The following FRMD4B variants were observed in gnomAD, a reference collection of about 807,000 sequenced individuals.
FRMD4B encodes FERM domain containing 4B, also known as FERM domain-containing protein 4B.
A neutral mutation model predicts 141.5 loss-of-function variants in FRMD4B; 74 were observed. That is an observed-to-expected ratio of 0.52 (90% CI 0.43 to 0.63). The LOEUF is 0.63. FRMD4B is among the 30% of genes least tolerant of loss of function. The probability of loss-of-function intolerance (pLI) is 0.00; values close to 1 mark genes in which losing one functional copy is unlikely to be tolerated. For synonymous variants in FRMD4B, 506 were observed against 467.9 expected, an observed-to-expected ratio of 1.08 and a Z score of -1.05; for missense variants, 1,366 against 1,253.4, an observed-to-expected ratio of 1.09 and a Z score of -1.36.
chr3:69,382,721 C>T (rs947714852), intron 1 of FRMD4B, among the ~76,000 whole-genome samples: 1 of 125,572 alleles, frequency 8.0e-6, no homozygotes, highest in Non-Finnish European at 1.6e-5. Context: ...AGCATGTAAA[C>T]TGGGACTTTT....
At chr3:69,192,818 G>C (rs937582653) in intron 17 of FRMD4B, among the ~76,000 whole-genome samples, 3 of 149,740 alleles carry the variant, frequency 2.0e-5, no homozygotes, top group African/African-American at 7.4e-5. Flanking sequence ...TTTTAATTTT[G>C]TTCACTTTTT....
chr3:69,405,173 A>G (rs1704628878), intron 2 of FRMD4B, among the ~76,000 whole-genome samples: 1 of 152,160 alleles, frequency 6.6e-6, no homozygotes, highest in South Asian at 2.1e-4. Flanking sequence ...TGCTCTTGCC[A>G]TTGCTTCTTT....
intron 1 of FRMD4B, among the ~76,000 whole-genome samples, chr3:69,481,334 T>C (rs1459053406): frequency 2.0e-5 from 3 of 152,274 alleles, no homozygotes; most frequent in Admixed American, 1.3e-4. Context: ...ACCGGAGCTG[T>C]TCCTATTCGG....
intron 1 of FRMD4B, chr3:69,322,991 G>T (rs572045123): frequency 2.1e-6 from 2 of 960,306 alleles, no homozygotes; most frequent in East Asian, 1.2e-4. Flanking sequence ...TCCATCAGTC[G>T]TACCAAAGTA....
At chr3:69,190,101 A>C (rs916737841) in intron 17 of FRMD4B, 149 bp from the exon 18 acceptor site, 2 of 575,606 alleles carry the variant, frequency 3.5e-6, no homozygotes, top group African/African-American at 3.7e-5. Context: ...CCATAGTAAG[A>C]ATGGACTCAT....
chr3:69,219,566 A>G lies in FRMD4B; in HGVS notation c.732-1187T>C, dbSNP rs1021631931. Among the ~76,000 whole-genome samples, 11 of 152,140 alleles carry G rather than the reference A, an allele frequency of 7.2e-5. No homozygotes were observed. In the South Asian group the frequency reaches 1.2e-3, roughly 17 times the overall value. On this transcript the variant is annotated intron_variant, in intron 9 of 22. Transcript: ENST00000398540. ...GTCTCTTAGATGAAGCCACACAATA[A>G]TGATCAGGAGAAAGAATAAGACTCT...
chr3:69,221,920 C>T lies in FRMD4B; in HGVS notation c.669G>A (p.Glu223=), dbSNP rs757932878. 5 of 1,520,908 alleles carry T rather than the reference C, an allele frequency of 3.3e-6. No individual in the cohort carries two copies. Among genetic ancestry groups the T allele is most frequent in the Middle Eastern group, 1.7e-4 (1 of 5,916 alleles). 94.2% of individuals were successfully genotyped at this position (1,520,908 alleles called of 1,614,324 possible). A position where few individuals can be genotyped will look rare whatever the true frequency, so the allele number is the denominator to read the frequency against. ...LQEHPSLAYC[E]DRVIEHYLKI... is the part of the protein sequence containing the mutation. ...TCAAATAATGCTCAATTACCCTGTC[C>T]TCACTGTAAAACAAAGAAATGAGAA... Residue 223 remains glutamate (E), a synonymous_variant, in exon 9 of 23, where the codon GAG becomes GAA. Coordinates refer to ENST00000398540, the MANE Select transcript of FRMD4B (RefSeq NM_015123.3).
chr3:69,297,390 C>G (rs1701066920), intron 4 of FRMD4B, among the ~76,000 whole-genome samples: 1 of 151,842 alleles, frequency 6.6e-6, no homozygotes, highest in Admixed American at 6.6e-5. Flanking sequence ...CTTTAGGGTA[C>G]CACTGAGTGG....
chr3:69,311,230 A>C, intron 3 of FRMD4B, 33 bp downstream of exon 3: 1 of 1,021,116 alleles, frequency 9.8e-7, no homozygotes, highest in Non-Finnish European at 1.5e-6. Context: ...CCCAGGCAAA[A>C]GGTAAAGAAA....
chr3:69,243,946 T>C (rs978422128), intron 7 of FRMD4B, among the ~76,000 whole-genome samples: 1 of 152,136 alleles, frequency 6.6e-6, no homozygotes, highest in Admixed American at 6.6e-5. Context: ...CTTGGGAGGC[T>C]GAGGTAGGAG....
intron 1 of FRMD4B, 112 bp downstream of exon 1, chr3:69,385,716 T>G (rs17005789): frequency 0.068 from 62,477 of 916,916 alleles, 2,882 homozygotes; most frequent in South Asian, 0.16. Context: ...CCAAGCAGTC[T>G]GCTAGGAGTT....
Position 69,195,063 on chromosome 3 carries a change from T to A in FRMD4B, c.1447A>T (p.Thr483Ser). 2 of 1,613,814 alleles carry A rather than the reference T, an allele frequency of 1.2e-6. No individual in the cohort carries two copies. The highest frequency in any genetic ancestry group is 1.7e-6 in the Non-Finnish European group (2 of 1,179,682). The change falls in exon 16 of 23, where the codon ACT (threonine) becomes TCT (serine). Residue 483 changes from threonine (T) to serine (S), a missense_variant. Thr to Ser is a moderately conservative substitution (Grantham distance 58, BLOSUM62 1). Coordinates refer to ENST00000398540, the MANE Select transcript of FRMD4B (RefSeq NM_015123.3). ...AAGTTGTCATCTAATTTGAACGCAG[T>A]ACCCACACGTCTTCTGACCTGAGGA... ...KPPQVRRRVG[T>S]AFKLDDNLLP...
chr3:69,180,473 A>G (rs1345674562), intron 21 of FRMD4B, among the ~76,000 whole-genome samples: 1 of 152,164 alleles, frequency 6.6e-6, no homozygotes, highest in Non-Finnish European at 1.5e-5. Context: ...CTTTTAAAAT[A>G]TCAAGCCTCA....
At chr3:69,324,721 T>A (rs1318235563) in intron 1 of FRMD4B, among the ~76,000 whole-genome samples, 1 of 152,194 alleles carries the variant, frequency 6.6e-6, no homozygotes, top group African/African-American at 2.4e-5. Context: ...CTGAAGTAGA[T>A]AAACTGGCAA....
intron 5 of FRMD4B, among the ~76,000 whole-genome samples, chr3:69,261,658 A>G (rs539193391): frequency 6.6e-6 from 1 of 152,232 alleles, no homozygotes; most frequent in African/African-American, 2.4e-5. Context: ...TTGAAAGCAG[A>G]CATTTTTAAA....
chr3:69,419,408 A>G (rs1189728761), intron 2 of FRMD4B, among the ~76,000 whole-genome samples: 1 of 152,270 alleles, frequency 6.6e-6, no homozygotes, highest in East Asian at 1.9e-4. Flanking sequence ...GTGGAGCCAG[A>G]GGTGGCCACT....
chr3:69,256,030 G>A (rs1487102465), intron 5 of FRMD4B, among the ~76,000 whole-genome samples: 3 of 151,848 alleles, frequency 2.0e-5, no homozygotes, highest in African/African-American at 4.8e-5. Flanking sequence ...CAAGGAGTCC[G>A]AGGCTGCTGT....
chr3:69,475,562 T>A (rs1251228285), intron 1 of FRMD4B, among the ~76,000 whole-genome samples: 2 of 152,184 alleles, frequency 1.3e-5, no homozygotes, highest in Non-Finnish European at 2.9e-5. Flanking sequence ...CTGCATAGTA[T>A]TCCATGGTGT....
At chr3:69,222,055 T>C (rs6549189) in intron 8 of FRMD4B, 132 bp from the exon 9 acceptor site, 635,312 of 640,920 alleles carry the variant, frequency 0.99, 315,103 homozygotes, top group East Asian at 1. Context: ...GTAGATAGAG[T>C]TTGGCTTTTG....
Sources: gnomAD v4.1 joint callset for allele counts (sites outside exome capture counted in the v4.1 genomes callset) on GRCh38, gnomAD v4.1.1 for gene constraint, MANE v1.5 for transcripts, NCBI Gene and HGNC (gene_info 2026-07-23, HGNC 2026-07-21) for gene names.